Variants in ITGA8 observed in about 807,000 individuals in gnomAD.
ITGA8 encodes the protein integrin alpha-8.
ITGA8 carries 91 observed loss-of-function variants against 142.3 expected under a neutral mutation model. The ratio of observed to expected loss-of-function variants is 0.64; its 90% CI spans 0.54 to 0.76. The LOEUF (loss-of-function observed/expected upper bound fraction) is 0.76. Among genes scored for constraint, ITGA8 ranks in the 30% least tolerant of loss-of-function variants. ITGA8 has a pLI of 0.00. For synonymous variants in ITGA8, 505 were observed against 485.2 expected (o/e 1.04, Z -0.54); for missense variants, 1,406 against 1,327.7 (o/e 1.06, Z -0.92).
intron 12 of ITGA8, among the ~76,000 whole-genome samples, chr10:15,645,174 G>A (rs933297890): frequency 8.6e-4 from 128 of 149,690 alleles, no homozygotes; most frequent in African/African-American, 3.0e-3. Context: ...TGTGTCAGGC[G>A]AAAAGGAACA....
At chr10:15,555,266 G>C (rs1833867438) in intron 26 of ITGA8, among the ~76,000 whole-genome samples, 1 of 152,212 alleles carries the variant, frequency 6.6e-6, no homozygotes, top group Non-Finnish European at 1.5e-5. Context: ...TTAAGAGCAT[G>C]TAGGTTAAGA....
At chr10:15,693,869 G>T (rs1410598509) in intron 2 of ITGA8, among the ~76,000 whole-genome samples, 4 of 151,836 alleles carry the variant, frequency 2.6e-5, no homozygotes, top group African/African-American at 9.7e-5. Flanking sequence ...AAGGTCCATA[G>T]GTTTTTTTTC....
At chr10:15,664,255 A>G (rs1167875152) in intron 8 of ITGA8, among the ~76,000 whole-genome samples, 2 of 149,916 alleles carry the variant, frequency 1.3e-5, no homozygotes, top group African/African-American at 4.8e-5. Context: ...GTCTGGCTCC[A>G]GAGTCCAGGA....
At chr10:15,633,918 C>T (rs560423520) in intron 13 of ITGA8, among the ~76,000 whole-genome samples, 37 of 152,300 alleles carry the variant, frequency 2.4e-4, no homozygotes, top group African/African-American at 8.2e-4. Flanking sequence ...ATATGGCCTT[C>T]GGCAGTTTTC....
rs113701163 is a variant in ITGA8 at position 15,707,097 on chromosome 10, C to G, written c.343+11669G>C. ...ACCTCCTCAGTGAAAGTTCTTGTGA[C>G]CACCTGTGGTACAAAAAATAATACC... On this transcript the variant is annotated intron_variant, in intron 2 of 29. Coordinates refer to ENST00000378076, the MANE Select transcript of ITGA8 (RefSeq NM_003638.3). Among the ~76,000 whole-genome samples, 1,484 of 152,220 alleles carry G rather than the reference C, an allele frequency of 9.7e-3. 19 individuals carry two copies. Among genetic ancestry groups the G allele is most frequent in the African/African-American group, 0.034 (1,397 of 41,550 alleles).
chr10:15,707,224 C>T (rs752617189), intron 2 of ITGA8, among the ~76,000 whole-genome samples: 1 of 152,170 alleles, frequency 6.6e-6, no homozygotes, highest in Non-Finnish European at 1.5e-5. Context: ...GGTTGCTAAT[C>T]AGCTGATCTC....
At chr10:15,608,341 T>C in intron 15 of ITGA8, 51 bp from the exon 16 acceptor site, 1 of 1,174,668 alleles carries the variant, frequency 8.5e-7, no homozygotes, top group Non-Finnish European at 1.2e-6. Flanking sequence ...GAATCTAAAG[T>C]AGAAGCCTTC....
chr10:15,582,282 C>T (rs1588657518), intron 23 of ITGA8, among the ~76,000 whole-genome samples: 1 of 152,100 alleles, frequency 6.6e-6, no homozygotes, highest in Non-Finnish European at 1.5e-5. Flanking sequence ...GCCCTCACCT[C>T]ACACCAGATA....
chr10:15,716,199 A>C (rs1256965047), intron 2 of ITGA8, among the ~76,000 whole-genome samples: 1 of 152,098 alleles, frequency 6.6e-6, no homozygotes, highest in Non-Finnish European at 1.5e-5. Flanking sequence ...AGGAACATTG[A>C]TTTTTCTTCC....
chr10:15,579,768 C>G lies in ITGA8; in HGVS notation c.2373-4174G>C, dbSNP rs149455295. On this transcript the variant is annotated intron_variant, in intron 23 of 29. Coordinates refer to ENST00000378076, the MANE Select transcript of ITGA8 (RefSeq NM_003638.3). Reference sequence around the variant, plus strand: ...TATCTGTAAATCAAACAAGTCACTTCCCATGAGTCAACTCATGACTAAGGA... The same window carrying G: ...TATCTGTAAATCAAACAAGTCACTTGCCATGAGTCAACTCATGACTAAGGA... Among the ~76,000 whole-genome samples, 33 of 151,964 alleles carry G rather than the reference C, an allele frequency of 2.2e-4. 1 individual carries two copies. The East Asian group carries it at 6.4e-3, about 29-fold the overall frequency.
intron 27 of ITGA8, among the ~76,000 whole-genome samples, chr10:15,542,776 T>C (rs1208189698): frequency 1.3e-5 from 2 of 152,180 alleles, no homozygotes; most frequent in African/African-American, 2.4e-5. Flanking sequence ...ATCTGTAAAA[T>C]GCAGCTGACA....
At chr10:15,534,165 C>T (rs1833370061) in intron 27 of ITGA8, among the ~76,000 whole-genome samples, 1 of 152,156 alleles carries the variant, frequency 6.6e-6, no homozygotes, top group Non-Finnish European at 1.5e-5. Context: ...CTGCCTCAGC[C>T]TCCCAAAGTG....
At chr10:15,585,841 A>G (rs1222094027) in intron 23 of ITGA8, among the ~76,000 whole-genome samples, 6 of 152,158 alleles carry the variant, frequency 3.9e-5, no homozygotes, top group Non-Finnish European at 8.8e-5. Context: ...TGTAAAATAT[A>G]GATCCAATCG....
At chr10:15,692,164 C>T (rs2131713741) in intron 2 of ITGA8, among the ~76,000 whole-genome samples, 1 of 152,118 alleles carries the variant, frequency 6.6e-6, no homozygotes, top group African/African-American at 2.4e-5. Flanking sequence ...AACTCCTGAA[C>T]TCAAGCGATC....
intron 13 of ITGA8, among the ~76,000 whole-genome samples, chr10:15,639,785 T>C (rs1833838015): frequency 6.6e-6 from 1 of 152,218 alleles, no homozygotes; most frequent in Admixed American, 6.5e-5. Flanking sequence ...GCTAATTTAA[T>C]TGGTTTGGAG....
At chr10:15,635,850 A>C (rs1392941504) in intron 13 of ITGA8, among the ~76,000 whole-genome samples, 1 of 150,128 alleles carries the variant, frequency 6.7e-6, no homozygotes, top group Non-Finnish European at 1.5e-5. Context: ...GTTTAATTGA[A>C]ATGCAGTATT....
chr10:15,580,721 A>T (rs1172990387), intron 23 of ITGA8, among the ~76,000 whole-genome samples: 1 of 152,244 alleles, frequency 6.6e-6, no homozygotes, highest in Admixed American at 6.5e-5. Context: ...ATTTGAAAAA[A>T]ACTAAACATA....
At chr10:15,670,145 C>G (rs928478829) in intron 8 of ITGA8, among the ~76,000 whole-genome samples, 2 of 152,214 alleles carry the variant, frequency 1.3e-5, no homozygotes, top group Admixed American at 1.3e-4. Flanking sequence ...TCCATTTACT[C>G]TTAATTATTT....
intron 20 of ITGA8, among the ~76,000 whole-genome samples, chr10:15,598,872 C>T (rs1833052601): frequency 1.3e-5 from 2 of 152,082 alleles, no homozygotes; most frequent in Admixed American, 1.3e-4. Flanking sequence ...AACATCTTTT[C>T]AAAAAGGTGG....
Sources: allele counts gnomAD v4.1 joint callset (sites outside exome capture counted in the v4.1 genomes callset), GRCh38; gene constraint gnomAD v4.1.1; transcripts MANE v1.5; gene names NCBI Gene and HGNC (gene_info 2026-07-23, HGNC 2026-07-21).